Variants in GPI observed in about 807,000 individuals in gnomAD.
GPI encodes D-hexose-6-phosphate anomerase.
A neutral mutation model predicts 75.8 loss-of-function variants in GPI; 56 were observed. The observed-to-expected ratio is 0.74, with a 90% CI of 0.60 to 0.92. The LOEUF (loss-of-function observed/expected upper bound fraction) is 0.92. Ranked by LOEUF, GPI falls within the 40% of genes least tolerant of loss-of-function variation. GPI has a pLI of 0.00. For missense variants in GPI, 638 were observed against 741.0 expected, an observed-to-expected ratio of 0.86 and a Z score of 1.61; for synonymous variants, 288 against 285.4, an observed-to-expected ratio of 1.01 and a Z score of -0.09.
intron 4 of GPI, among the ~76,000 whole-genome samples, chr19:34,371,552 T>C (rs1267802324): frequency 3.3e-5 from 5 of 152,034 alleles, no homozygotes; most frequent in Non-Finnish European, 7.4e-5. Flanking sequence ...GTAATTGTAA[T>C]AAAGATAGAC....
In GPI at chr19:34,378,946, C is replaced by A. The variant is rs1278715634; in HGVS notation, c.646C>A (p.Gln216Lys). Residue 216 changes from glutamine (Q) to lysine (K), a missense_variant, in exon 7 of 18, where the codon CAG becomes AAG. Transcript: ENST00000356487. ...TCTTTGGTTGCAGACCTTTACTACC[C>A]AGGAGACCATCACGAATGCAGAGAC... is the stretch of plus-strand genomic sequence containing the variant. ...FIIASKTFTT[Q>K]ETITNAETAK... 3 of 1,614,052 alleles carry A rather than the reference C, an allele frequency of 1.9e-6. No homozygotes were observed. The East Asian group carries it at 6.7e-5, about 36-fold the overall frequency.
At position 34,379,072 on chromosome 19, in the gene GPI, AG is replaced by A. The variant is rs2074599674; in HGVS notation, c.705+68del. 5 of 1,342,140 alleles carry A rather than the reference AG, an allele frequency of 3.7e-6. No individual in the cohort carries two copies. In the Admixed American group the frequency reaches 8.4e-5, roughly 22 times the overall value. The allele number at this position is 1,342,140 out of a possible 1,614,324, so 83.1% of individuals were successfully genotyped here. A position where few individuals can be genotyped will look rare whatever the true frequency, so the allele number is the denominator to read the frequency against. On this transcript the variant is annotated intron_variant, in intron 7 of 17. Transcript: ENST00000356487. Reference sequence around the variant, plus strand: ...CTGGGAAGAGCAGGGTGGGCCCCTGAGTGACCAAGTCTGGCCGTGTTTCTCC... The same window carrying A: ...CTGGGAAGAGCAGGGTGGGCCCCTGATGACCAAGTCTGGCCGTGTTTCTCC...
chr19:34,371,613 G>A (rs920898623), intron 4 of GPI, among the ~76,000 whole-genome samples: 2 of 151,716 alleles, frequency 1.3e-5, no homozygotes, highest in South Asian at 2.1e-4. Flanking sequence ...CACCTTGGGA[G>A]GCCGAGGTGG....
At chr19:34,381,980 C>G (rs1284829988) in intron 9 of GPI, among the ~76,000 whole-genome samples, 1 of 152,136 alleles carries the variant, frequency 6.6e-6, no homozygotes, top group Non-Finnish European at 1.5e-5. Flanking sequence ...AGGCGCCAGG[C>G]TGGGGCAGCT....
At position 34,393,078 on chromosome 19, in the gene GPI, T is replaced by TG. The variant is rs2074888954; in HGVS notation, c.805-168dup. 5 of 676,014 alleles carry TG rather than the reference T, an allele frequency of 7.4e-6. No individual in the cohort carries two copies. Among genetic ancestry groups the TG allele is most frequent in the Non-Finnish European group, 1.4e-5 (5 of 369,656 alleles). The allele number at this position is 676,014 out of a possible 1,614,324, so 41.9% of individuals were successfully genotyped here. Reference sequence around the variant, plus strand: ...GTCAGTCATCTGTAGTCTGCCCTGTTGGTCTTCCCATGTGTTGCCAGCACC... The same window carrying TG: ...GTCAGTCATCTGTAGTCTGCCCTGTTGGGTCTTCCCATGTGTTGCCAGCACC... On this transcript the variant is annotated intron_variant, in intron 9 of 17. Coordinates refer to ENST00000356487, the MANE Select transcript of GPI (RefSeq NM_000175.5). The surrounding 1 kb of genome is among the most constrained non-coding windows in gnomAD (Gnocchi z 4.4).
upstream of GPI, among the ~76,000 whole-genome samples, chr19:34,360,888 C>G (rs1379454314): frequency 1.3e-5 from 2 of 151,698 alleles, no homozygotes; most frequent in African/African-American, 4.9e-5. Flanking sequence ...AGTGATTCTC[C>G]TGCCTCAGCC....
At chr19:34,396,535 C>T (rs892194307) in intron 13 of GPI, 46 bp from the exon 14 acceptor site, 1 of 1,609,662 alleles carries the variant, frequency 6.2e-7, no homozygotes, top group African/African-American at 1.3e-5. Flanking sequence ...ATATGGCTAG[C>T]TCCCATGGGC....
intron 9 of GPI, among the ~76,000 whole-genome samples, chr19:34,387,286 T>C (rs2074750399): frequency 6.6e-6 from 1 of 152,190 alleles, no homozygotes; most frequent in Non-Finnish European, 1.5e-5. Flanking sequence ...TCAGTGCTGG[T>C]ATGTTTATCT....
Position 34,365,251 on chromosome 19 carries a change from A to G in GPI, c.-16A>G, listed in dbSNP as rs755993078. Reference sequence around the variant, plus strand: ...CCTCGGCTCGCGTCTCACTCAGTGTACCTTCTAGTCCCGCCATGGCCGCTC... The same window carrying G: ...CCTCGGCTCGCGTCTCACTCAGTGTGCCTTCTAGTCCCGCCATGGCCGCTC... On this transcript the variant is annotated 5_prime_UTR_variant, in exon 1 of 18. Transcript: ENST00000356487. The G allele has an allele frequency of 6.4e-7, 1 of 1,551,662 alleles. No individual in the cohort carries two copies. Among genetic ancestry groups the G allele is most frequent in the African/African-American group, 1.4e-5 (1 of 70,546 alleles).
chr19:34,369,844 G>T lies in GPI; in HGVS notation c.402+1142G>T, dbSNP rs542579461. On this transcript the variant is annotated intron_variant, in intron 4 of 17. Transcript: ENST00000356487. ...GGAGGCTGAGGTGGGAGGATGGCTT[G>T]AGCCTGGGAAGTTGAGGCTGCAGTG... Among the ~76,000 whole-genome samples, 17 of 152,316 alleles carry T rather than the reference G, an allele frequency of 1.1e-4. No individual in the cohort carries two copies. In the South Asian group the frequency reaches 2.9e-3, roughly 26 times the overall value.
At chr19:34,388,822 G>C (rs548590323) in intron 9 of GPI, among the ~76,000 whole-genome samples, 22 of 152,298 alleles carry the variant, frequency 1.4e-4, no homozygotes, top group African/African-American at 4.3e-4. Flanking sequence ...TCTGGGCTGG[G>C]TGTGGTGGCT....
At position 34,365,329 on chromosome 19, in the gene GPI, C is replaced by T. The variant is rs771058879; in HGVS notation, c.63C>T (p.Arg21=). The change falls in exon 1 of 18, where the codon CGC becomes CGT. Residue 21 remains arginine, a synonymous_variant. Coordinates refer to ENST00000356487, the MANE Select transcript of GPI (RefSeq NM_000175.5). ...QKLQQWYREH[R]SELNLRRLFD... Reference sequence around the variant, plus strand: ...TGCAGCAATGGTACCGCGAGCACCGCTCCGAGCTGAACCTGCGCCGCCTCT... The same window carrying T: ...TGCAGCAATGGTACCGCGAGCACCGTTCCGAGCTGAACCTGCGCCGCCTCT... 6.3e-7 allele frequency: 1 copy of T among 1,592,452 alleles called. No homozygotes were observed. Among genetic ancestry groups the T allele is most frequent in the Non-Finnish European group, 8.5e-7 (1 of 1,171,378 alleles).
intron 9 of GPI, among the ~76,000 whole-genome samples, chr19:34,384,106 C>T (rs189418686): frequency 1.8e-4 from 28 of 152,130 alleles, no homozygotes; most frequent in East Asian, 3.9e-4. Context: ...GCAGACAGGT[C>T]GAGCTGGGTC....
chr19:34,370,240 G>C (rs900880613), intron 4 of GPI, among the ~76,000 whole-genome samples: 2 of 152,196 alleles, frequency 1.3e-5, no homozygotes, highest in African/African-American at 4.8e-5. Flanking sequence ...GCAGGGGTGG[G>C]TTGGCAGACA....
At chr19:34,365,599 GC>G in intron 1 of GPI, 1 of 822,998 alleles carries the variant, frequency 1.2e-6, no homozygotes, top group Non-Finnish European at 2.0e-6. Context: ...GGGAGTCTCG[GC>G]CCCGGGTCTG....
intron 6 of GPI, among the ~76,000 whole-genome samples, chr19:34,378,505 C>T (rs1311010984): frequency 1.3e-5 from 2 of 152,154 alleles, no homozygotes; most frequent in Non-Finnish European, 2.9e-5. Flanking sequence ...CTTGAGCCGC[C>T]ATGCCCAGCC....
intron 8 of GPI, chr19:34,379,978 G>T: frequency 2.2e-5 from 4 of 180,016 alleles, no homozygotes; most frequent in South Asian, 1.0e-4. Context: ...CCTACTTAGT[G>T]TGTGTGGTTT....
At chr19:34,370,520 A>G (rs1254248853) in intron 4 of GPI, among the ~76,000 whole-genome samples, 2 of 152,130 alleles carry the variant, frequency 1.3e-5, no homozygotes, top group Non-Finnish European at 2.9e-5. Flanking sequence ...GGAGTTTGAG[A>G]TCAGCCTGAT....
chr19:34,371,010 G>A (rs1599811033), intron 4 of GPI, among the ~76,000 whole-genome samples: 1 of 152,302 alleles, frequency 6.6e-6, no homozygotes, highest in Admixed American at 6.5e-5. Context: ...GGTGTGTGGC[G>A]GGGCCTTTCC....
Sources: allele counts gnomAD v4.1 joint callset (sites outside exome capture counted in the v4.1 genomes callset), GRCh38; gene constraint gnomAD v4.1.1; non-coding constraint Gnocchi (gnomAD v3.1); transcripts MANE v1.5; gene names NCBI Gene and HGNC (gene_info 2026-07-23, HGNC 2026-07-21).